The following MAPKAPK5 variants were observed in gnomAD, a reference collection of about 807,000 sequenced individuals.
MAPKAPK5 encodes the protein MAP kinase-activated protein kinase 5.
A neutral mutation model predicts 65.1 loss-of-function variants in MAPKAPK5; 30 were observed. The ratio of observed to expected loss-of-function variants is 0.46; its 90% CI spans 0.34 to 0.63. MAPKAPK5 has a LOEUF of 0.63. Among genes scored for constraint, MAPKAPK5 ranks in the 20% least tolerant of loss-of-function variants. The pLI, the probability that MAPKAPK5 is intolerant of heterozygous loss-of-function variation, is 0.01. For missense variants in MAPKAPK5, 433 were observed against 581.4 expected, an observed-to-expected ratio of 0.74 and a Z score of 2.63; for synonymous variants, 179 against 204.6, an observed-to-expected ratio of 0.87 and a Z score of 1.07.
At chr12:111,891,071 G>A (rs1005081077) in intron 13 of MAPKAPK5, among the ~76,000 whole-genome samples, 4 of 151,856 alleles carry the variant, frequency 2.6e-5, no homozygotes, top group Non-Finnish European at 5.9e-5. Flanking sequence ...TTGTTTCCGC[G>A]TTTTTTTGTT....
intron 5 of MAPKAPK5, among the ~76,000 whole-genome samples, chr12:111,869,151 T>C (rs2069700782): frequency 6.6e-6 from 1 of 152,196 alleles, no homozygotes; most frequent in Non-Finnish European, 1.5e-5. Flanking sequence ...ACTGCAGTTA[T>C]CTTTAGGCAT....
chr12:111,901,687 G>T lies in MAPKAPK5; in HGVS notation c.*8626G>T. On this transcript the variant is annotated 3_prime_UTR_variant, in exon 14 of 14. Coordinates refer to ENST00000550735, the MANE Select transcript of MAPKAPK5 (RefSeq NM_003668.4). Reference sequence around the variant, plus strand: ...AAGAGGAGGAGGAGGAAGAAGAGGAGGAAGAATCAGATTCCTAAGGTTAGA... The same window carrying T: ...AAGAGGAGGAGGAGGAAGAAGAGGATGAAGAATCAGATTCCTAAGGTTAGA... The T allele has an allele frequency of 3.9e-6, 1 of 257,556 alleles. No individual in the cohort carries two copies. Among genetic ancestry groups the T allele is most frequent in the Non-Finnish European group, 7.7e-6 (1 of 130,434 alleles). The allele number at this position is 257,556 out of a possible 1,614,324, so 16.0% of individuals were successfully genotyped here. A position where few individuals can be genotyped will look rare whatever the true frequency, so the allele number is the denominator to read the frequency against.
At chr12:111,849,464 A>G (rs2069003326) in intron 1 of MAPKAPK5, among the ~76,000 whole-genome samples, 1 of 150,498 alleles carries the variant, frequency 6.6e-6, no homozygotes, top group African/African-American at 2.4e-5. Context: ...TAGTTTTGCC[A>G]TGTTGGCCAG....
chr12:111,865,399 C>T (rs958125150), intron 2 of MAPKAPK5, 76 bp downstream of exon 2: 1 of 992,666 alleles, frequency 1.0e-6, no homozygotes, highest in Non-Finnish European at 1.6e-6. Flanking sequence ...TGAAATACAT[C>T]TTGAATTAGA....
chr12:111,850,218 G>A (rs1224844129), intron 1 of MAPKAPK5, among the ~76,000 whole-genome samples: 2 of 151,794 alleles, frequency 1.3e-5, no homozygotes, highest in African/African-American at 4.8e-5. Context: ...TAATAGAGAC[G>A]GGGTTTCACC....
At chr12:111,866,330 A>C in intron 3 of MAPKAPK5, 99 bp downstream of exon 3, 1 of 1,036,120 alleles carries the variant, frequency 9.7e-7, no homozygotes, top group Non-Finnish European at 1.4e-6. Flanking sequence ...AGTGATGCAT[A>C]AAAAGTTTTA....
Position 111,899,898 on chromosome 12 carries a change from C to G in MAPKAPK5, c.*6837C>G. 1 of 456,044 alleles carries G rather than the reference C, an allele frequency of 2.2e-6. No individual in the cohort carries two copies. The highest frequency in any genetic ancestry group is 1.5e-5 in the South Asian group (1 of 64,564). The allele number at this position is 456,044 out of a possible 1,614,324, so 28.2% of individuals were successfully genotyped here. A position where few individuals can be genotyped will look rare whatever the true frequency, so the allele number is the denominator to read the frequency against. ...TCCTGTGGTGTCTACTAGCTGGCAA[C>G]AAGGGAGCAGGAAGCCTCATGATCT... On this transcript the variant is annotated 3_prime_UTR_variant, in exon 14 of 14. Coordinates refer to ENST00000550735, the MANE Select transcript of MAPKAPK5 (RefSeq NM_003668.4).
intron 1 of MAPKAPK5, among the ~76,000 whole-genome samples, chr12:111,845,167 C>T (rs1299157018): frequency 6.6e-6 from 1 of 152,096 alleles, no homozygotes; most frequent in Non-Finnish European, 1.5e-5. Context: ...CTCTGTCACC[C>T]AGGCTGGAGT....
intron 10 of MAPKAPK5, 44 bp downstream of exon 10, chr12:111,886,080 G>C (rs780145491): frequency 3.7e-5 from 60 of 1,613,350 alleles, no homozygotes; most frequent in Non-Finnish European, 4.6e-5. Context: ...GACTGTGTTG[G>C]GAAGGAATGC....
Position 111,852,935 on chromosome 12 carries a change from G to T in MAPKAPK5, c.36+10166G>T, listed in dbSNP as rs1246953369. ...ATTACAGGCTTGCTTCACCATGCCT[G>T]GCTAATTTTTGTATTTTCAATAGAG... On this transcript the variant is annotated intron_variant, in intron 1 of 13. Coordinates refer to ENST00000550735, the MANE Select transcript of MAPKAPK5 (RefSeq NM_003668.4). 2.0e-5 allele frequency among the ~76,000 whole-genome samples: 3 copies of T among 152,006 alleles called. No homozygotes were observed. The East Asian group carries it at 5.8e-4, about 29-fold the overall frequency.
At chr12:111,871,326 G>A (rs1297501435) in intron 7 of MAPKAPK5, 146 bp downstream of exon 7, 3 of 648,070 alleles carry the variant, frequency 4.6e-6, no homozygotes, top group Non-Finnish European at 5.2e-6. Context: ...GCTTTATTTG[G>A]TGTAGATCTT....
chr12:111,887,109 C>T (rs1172602239), intron 10 of MAPKAPK5, among the ~76,000 whole-genome samples: 4 of 151,930 alleles, frequency 2.6e-5, no homozygotes, highest in African/African-American at 9.7e-5. Flanking sequence ...TAGGGTGGGA[C>T]CATAGTGTGG....
At chr12:111,866,326 G>A (rs753005480) in intron 3 of MAPKAPK5, 95 bp downstream of exon 3, 47 of 1,094,384 alleles carry the variant, frequency 4.3e-5, no homozygotes, top group Non-Finnish European at 6.0e-5. Flanking sequence ...ATACAGTGAT[G>A]CATAAAAAGT....
rs1458205847 is a variant in MAPKAPK5 at position 111,895,553 on chromosome 12, CAG to C, written c.*2495_*2496del. ...ACCCCCCACCCTGCTGCCACCAAGA[CAG>C]AGTCTCGCTCTGTCCCCCAGGCTGG... On this transcript the variant is annotated 3_prime_UTR_variant, in exon 14 of 14. Coordinates refer to ENST00000550735, the MANE Select transcript of MAPKAPK5 (RefSeq NM_003668.4). The C allele has an allele frequency of 6.7e-5, 6 of 89,728 alleles. No homozygotes were observed. The highest frequency in any genetic ancestry group is 2.7e-4 in the African/African-American group (6 of 22,470). The allele number at this position is 89,728 out of a possible 1,614,324, so 5.6% of individuals were successfully genotyped here. A position where few individuals can be genotyped will look rare whatever the true frequency, so the allele number is the denominator to read the frequency against.
chr12:111,857,993 G>T (rs1223901381), intron 1 of MAPKAPK5, among the ~76,000 whole-genome samples: 1 of 151,852 alleles, frequency 6.6e-6, no homozygotes, highest in East Asian at 1.9e-4. Context: ...CAATCTCCTG[G>T]GCTCAAGCAA....
intron 10 of MAPKAPK5, 96 bp from the exon 11 acceptor site, chr12:111,888,392 C>G (rs1384540337): frequency 6.7e-7 from 1 of 1,501,984 alleles, no homozygotes; most frequent in Non-Finnish European, 9.0e-7. Flanking sequence ...AAATTACCTT[C>G]TTAGTACTTT....
intron 13 of MAPKAPK5, among the ~76,000 whole-genome samples, chr12:111,892,613 CTT>C (rs760817229): frequency 3.3e-4 from 50 of 152,076 alleles, no homozygotes; most frequent in Non-Finnish European, 4.6e-4. Flanking sequence ...CTATTCAAGT[CTT>C]TTGCCCATTT....
Position 111,893,391 on chromosome 12 carries a change from C to T in MAPKAPK5, c.*330C>T, listed in dbSNP as rs2070693134. The stretch of plus-strand genomic sequence containing the variant: ...AAAAGGACCGACTATACCGACCTTT[C>T]TGATTAGTAAACAGTTGAATCAAGG... On this transcript the variant is annotated 3_prime_UTR_variant, in exon 14 of 14. Coordinates refer to ENST00000550735, the MANE Select transcript of MAPKAPK5 (RefSeq NM_003668.4). The T allele has an allele frequency of 6.3e-6, 1 of 158,556 alleles. No homozygotes were observed. The highest frequency in any genetic ancestry group is 2.4e-5 in the African/African-American group (1 of 41,532). The allele number at this position is 158,556 out of a possible 1,614,324, so 9.8% of individuals were successfully genotyped here.
In MAPKAPK5 at chr12:111,883,970, C is replaced by G. The variant is rs1045059258; in HGVS notation, c.848+202C>G. Among the ~76,000 whole-genome samples the G allele has an allele frequency of 6.6e-6, 1 of 152,224 alleles. No homozygotes were observed. The highest frequency in any genetic ancestry group is 2.4e-5 in the African/African-American group (1 of 41,448). ...AATGAAGCTTTCCTCCCTCCTGTTGCATCCCTAGACTTTGTCCCCAGGGTG... is the reference window on the plus strand; with the variant it reads ...AATGAAGCTTTCCTCCCTCCTGTTGGATCCCTAGACTTTGTCCCCAGGGTG... On this transcript the variant is annotated intron_variant, in intron 9 of 13. Transcript: ENST00000550735. The surrounding 1 kb of genome is among the most constrained non-coding windows in gnomAD (Gnocchi z 4.8).
Sources: gnomAD v4.1 joint callset for allele counts (sites outside exome capture counted in the v4.1 genomes callset) on GRCh38, gnomAD v4.1.1 for gene constraint, Gnocchi (gnomAD v3.1) non-coding constraint, MANE v1.5 for transcripts, NCBI Gene and HGNC (gene_info 2026-07-23, HGNC 2026-07-21) for gene names.